Variants in TPRN observed in about 807,000 individuals in gnomAD.
TPRN encodes taperin.
A neutral mutation model predicts 42.6 loss-of-function variants in TPRN; 32 were observed. The ratio of observed to expected loss-of-function variants is 0.75; its 90% CI spans 0.57 to 1.01. The LOEUF is 1.01. Ranked by LOEUF, TPRN falls within the 50% of genes least tolerant of loss-of-function variation. The pLI is 0.00. For synonymous variants in TPRN, 541 were observed against 445.6 expected, an observed-to-expected ratio of 1.21 and a Z score of -2.70; for missense variants, 1,095 against 957.5, an observed-to-expected ratio of 1.14 and a Z score of -1.90.
chr9:137,200,552 C>A lies in TPRN; in HGVS notation c.160G>T (p.Gly54Cys), dbSNP rs1588777500. The A allele has an allele frequency of 1.7e-6, 2 of 1,162,254 alleles. No individual in the cohort carries two copies. The highest frequency in any genetic ancestry group is 4.7e-5 in the East Asian group (1 of 21,190). The allele number at this position is 1,162,254 out of a possible 1,614,324, so 72.0% of individuals were successfully genotyped here. Residue 54 changes from glycine to cysteine, a missense_variant, in exon 1 of 4, where the codon GGC (glycine) becomes TGC (cysteine). Physicochemically the swap from Gly to Cys is radical, Grantham distance 159. Coordinates refer to ENST00000409012, the MANE Select transcript of TPRN (RefSeq NM_001128228.3). The surrounding 1 kb of genome is among the most constrained non-coding windows in gnomAD (Gnocchi z 4.3). ...PEQRVLAESLGPLRENPFMLL... is the reference protein window; with the variant it reads ...PEQRVLAESLCPLRENPFMLL... ...ATGAACGGGTTCTCGCGCAGCGGGCCCAGGCTCTCGGCCAGCACCCGCTGC... is the reference window on the plus strand; with the variant it reads ...ATGAACGGGTTCTCGCGCAGCGGGCACAGGCTCTCGGCCAGCACCCGCTGC...
At position 137,192,293 on chromosome 9, in the gene TPRN, G is replaced by A. The variant is rs369251781; in HGVS notation, c.2039C>T (p.Pro680Leu). The change falls in exon 3 of 4, where the codon CCG becomes CTG. Residue 680 changes from proline (P) to leucine (L), a missense_variant. Coordinates refer to ENST00000409012, the MANE Select transcript of TPRN (RefSeq NM_001128228.3). ...CACGGGCGGGGGCTCTGCCTCCCTC[G>A]GGGCCTGCTCCAGCGCCTGCTCCTG... ...KWQEQALEQA[P>L]REAEPPPVEA... 49 of 1,612,828 alleles carry A rather than the reference G, an allele frequency of 3.0e-5. No individual in the cohort carries two copies. Among genetic ancestry groups the A allele is most frequent in the Admixed American group, 5.0e-5 (3 of 59,996 alleles).
Position 137,191,628 on chromosome 9 carries a change from G to C in TPRN, c.*484C>G. The C allele has an allele frequency of 6.8e-6, 2 of 296,010 alleles. No individual in the cohort carries two copies. Among genetic ancestry groups the C allele is most frequent in the South Asian group, 6.4e-5 (2 of 31,274 alleles). The allele number at this position is 296,010 out of a possible 1,614,324, so 18.3% of individuals were successfully genotyped here. A position where few individuals can be genotyped will look rare whatever the true frequency, so the allele number is the denominator to read the frequency against. On this transcript the variant is annotated 3_prime_UTR_variant, in exon 4 of 4. Coordinates refer to ENST00000409012, the MANE Select transcript of TPRN (RefSeq NM_001128228.3). ...GTGGGGACACCAGCAGCCTTGTCCA[G>C]TGCTGTTTATTGAGTCCATCATCAG...
chr9:137,199,771 T>A lies in TPRN; in HGVS notation c.941A>T (p.Asp314Val), dbSNP rs1220684734. 6.2e-7 allele frequency: 1 copy of A among 1,610,348 alleles called. No individual in the cohort carries two copies. Among genetic ancestry groups the A allele is most frequent in the South Asian group, 1.1e-5 (1 of 90,540 alleles). The change falls in exon 1 of 4, where the codon GAC (aspartate) becomes GTC (valine). Residue 314 changes from aspartate (D) to valine (V), a missense_variant. Coordinates refer to ENST00000409012, the MANE Select transcript of TPRN (RefSeq NM_001128228.3). The part of the protein sequence containing the change: ...KPVMETIPLG[D>V]LQARALASLR... Reference sequence around the variant, plus strand: ...GCTGGCCAGCGCCCGGGCCTGGAGGTCCCCCAAGGGGATGGTCTCCATAAC... The same window carrying A: ...GCTGGCCAGCGCCCGGGCCTGGAGGACCCCCAAGGGGATGGTCTCCATAAC...
chr9:137,200,543 G>A lies in TPRN; in HGVS notation c.169C>T (p.Arg57Cys). 3.4e-6 allele frequency: 4 copies of A among 1,167,540 alleles called. No homozygotes were observed. The highest frequency in any genetic ancestry group is 2.9e-5 in the South Asian group (1 of 34,392). The allele number at this position is 1,167,540 out of a possible 1,614,324, so 72.3% of individuals were successfully genotyped here. The change falls in exon 1 of 4, where the codon CGC becomes TGC. Residue 57 changes from arginine to cysteine, a missense_variant. By Grantham distance (180) the Arg-to-Cys change is radical. Transcript: ENST00000409012. The surrounding 1 kb of genome is among the most constrained non-coding windows in gnomAD (Gnocchi z 4.3). ...TCCAGCAGCATGAACGGGTTCTCGC[G>A]CAGCGGGCCCAGGCTCTCGGCCAGC... ...RVLAESLGPL[R>C]ENPFMLLEAE...
At chr9:137,195,449 A>G (rs1834691689) in intron 1 of TPRN, among the ~76,000 whole-genome samples, 1 of 152,234 alleles carries the variant, frequency 6.6e-6, no homozygotes, top group Non-Finnish European at 1.5e-5. Context: ...CTCAGCCAAC[A>G]ACAGTGAGAG....
In TPRN at chr9:137,192,161, CTG is replaced by C; in HGVS notation, c.2085_2086del (p.Gln697GlufsTer2). ...GCGGAAGTCCGAGAGGTCATTCTGA[CTG>C]GCGGGTGTGAGCTGAAAGTGAGAGG... is the stretch of plus-strand genomic sequence containing the variant. On this transcript the variant is annotated frameshift_variant, in exon 4 of 4. Coordinates refer to ENST00000409012, the MANE Select transcript of TPRN (RefSeq NM_001128228.3). LOFTEE classifies it high-confidence loss of function. The C allele has an allele frequency of 6.2e-7, 1 of 1,613,658 alleles. No homozygotes were observed. Among genetic ancestry groups the C allele is most frequent in the Non-Finnish European group, 8.5e-7 (1 of 1,180,020 alleles).
At position 137,200,576 on chromosome 9, in the gene TPRN, G is replaced by A. The variant is rs1045789240; in HGVS notation, c.136C>T (p.Gln46Ter). 2 of 1,149,404 alleles carry A rather than the reference G, an allele frequency of 1.7e-6. No homozygotes were observed. The highest frequency in any genetic ancestry group is 2.1e-6 in the Non-Finnish European group (2 of 939,054). 71.2% of individuals were successfully genotyped at this position (1,149,404 alleles called of 1,614,324 possible). A position where few individuals can be genotyped will look rare whatever the true frequency, so the allele number is the denominator to read the frequency against. ...CCCAGGCTCTCGGCCAGCACCCGCT[G>A]CTCGGGCTCCGCCGCCCCGGGCCCC... ...GAGPGAAEPEQRVLAESLGPL... is the reference protein window; with the variant it reads ...GAGPGAAEPE The change falls in exon 1 of 4, where the codon CAG becomes TAG. Residue 46 changes from glutamine to a stop codon, truncating the protein, a stop_gained. Coordinates refer to ENST00000409012, the MANE Select transcript of TPRN (RefSeq NM_001128228.3). LOFTEE classifies it high-confidence loss of function. This position sits in a 1 kb window ranked among gnomAD's most constrained non-coding sequence, Gnocchi z 4.3.
Position 137,199,311 on chromosome 9 carries a change from G to C in TPRN, c.1401C>G (p.Pro467=), listed in dbSNP as rs1257306113. The change falls in exon 1 of 4, where the codon CCC becomes CCG. Residue 467 remains proline (P), a synonymous_variant. Transcript: ENST00000409012. ...GGAGGTAGGGTAGTTTGGCTGCTTG[G>C]GGGGCCTCCTCCGAGTCTACCTCAT... ...FIDEVDSEEA[P]QAAKLPYLPH... 23 of 1,612,500 alleles carry C rather than the reference G, an allele frequency of 1.4e-5. No individual in the cohort carries two copies. The highest frequency in any genetic ancestry group is 2.2e-5 in the East Asian group (1 of 44,868).
chr9:137,197,781 C>T (rs1186475632), intron 1 of TPRN, among the ~76,000 whole-genome samples: 1 of 152,126 alleles, frequency 6.6e-6, no homozygotes, highest in Non-Finnish European at 1.5e-5. Flanking sequence ...GGGCGAGGGT[C>T]GGGGAGATAG....
intron 1 of TPRN, chr9:137,193,951 G>C (rs2131349841): frequency 6.6e-6 from 1 of 152,616 alleles, no homozygotes; most frequent in East Asian, 1.9e-4. Context: ...CACACAGCCA[G>C]GTGTACCCTC....
At chr9:137,198,318 C>T (rs1374311932) in intron 1 of TPRN, among the ~76,000 whole-genome samples, 1 of 152,230 alleles carries the variant, frequency 6.6e-6, no homozygotes, top group Non-Finnish European at 1.5e-5. Context: ...TTCCAGGCCA[C>T]TGGCCAAGAG....
In TPRN at chr9:137,198,204, G is replaced by A. The variant is rs544638456; in HGVS notation, c.1725+783C>T. ...GCTTCCTGACAGGTCACCGCAGACC[G>A]GGAAGTCACATGGAGCTGCCCTTGG... is the stretch of plus-strand genomic sequence containing the variant. On this transcript the variant is annotated intron_variant, in intron 1 of 3. Coordinates refer to ENST00000409012, the MANE Select transcript of TPRN (RefSeq NM_001128228.3). 1.1e-4 allele frequency among the ~76,000 whole-genome samples: 16 copies of A among 152,320 alleles called. 1 individual carries two copies. The highest frequency in any genetic ancestry group is 2.4e-4 in the African/African-American group (10 of 41,578).
chr9:137,198,994 C>T lies in TPRN; in HGVS notation c.1718G>A (p.Arg573Lys). Reference sequence around the variant, plus strand: ...CCTGCCCCCACCACTGACCTTCTTTCTTGAGGAGCCAGCCTTGGTGAGGCA... The same window carrying T: ...CCTGCCCCCACCACTGACCTTCTTTTTTGAGGAGCCAGCCTTGGTGAGGCA... ...KSCLTKAGSS[R>K]KKMKISFNDK... is the part of the protein sequence containing the mutation. The change falls in exon 1 of 4, where the codon AGA (arginine) becomes AAA (lysine). Residue 573 changes from arginine to lysine, a missense_variant. Transcript: ENST00000409012. The T allele has an allele frequency of 6.2e-7, 1 of 1,612,958 alleles. No individual in the cohort carries two copies. The highest frequency in any genetic ancestry group is 1.1e-5 in the South Asian group (1 of 91,082).
rs1393131625 is a variant in TPRN at position 137,200,211 on chromosome 9, G to C, written c.501C>G (p.Pro167=). The stretch of plus-strand genomic sequence containing the variant: ...GGCTGGGGGCCGCGGGCGGGGGCCG[G>C]GGCGGCGCGGGCGGCGGCGGCGGCG... The part of the protein sequence containing the change: ...PPPPPPPPAP[P]RPPPAAPSPP... Residue 167 remains proline (P), a synonymous_variant, in exon 1 of 4, where the codon CCC becomes CCG. Transcript: ENST00000409012. The surrounding 1 kb of genome is among the most constrained non-coding windows in gnomAD (Gnocchi z 4.3). 2.1e-6 allele frequency: 2 copies of C among 949,502 alleles called. No homozygotes were observed. Among genetic ancestry groups the C allele is most frequent in the African/African-American group, 1.8e-5 (1 of 55,568 alleles). 58.8% of individuals were successfully genotyped at this position (949,502 alleles called of 1,614,324 possible). A position where few individuals can be genotyped will look rare whatever the true frequency, so the allele number is the denominator to read the frequency against.
intron 1 of TPRN, among the ~76,000 whole-genome samples, chr9:137,195,618 G>A (rs571131043): frequency 7.9e-5 from 12 of 152,194 alleles, no homozygotes; most frequent in Admixed American, 2.0e-4. Context: ...GAGTGGAGGC[G>A]GAAGTTGCAC....
Position 137,192,568 on chromosome 9 carries a change from C to T in TPRN, c.1849G>A (p.Glu617Lys), listed in dbSNP as rs1190500447. The T allele has an allele frequency of 2.5e-6, 4 of 1,611,990 alleles. No homozygotes were observed. The highest frequency in any genetic ancestry group is 1.1e-5 in the South Asian group (1 of 90,920). Residue 617 changes from glutamate (E) to lysine (K), a missense_variant, in exon 2 of 4, where the codon GAA becomes AAA. Coordinates refer to ENST00000409012, the MANE Select transcript of TPRN (RefSeq NM_001128228.3). ...EEEEEEEEEE[E>K]EEEEGSGSEE... is the part of the protein sequence containing the mutation. ...GAGCCGGATCCCTCTTCCTCCTCTT[C>T]CTCTTCCTCCTCCTCCTCCTCCTCC...
In TPRN at chr9:137,199,870, G is replaced by A; in HGVS notation, c.842C>T (p.Pro281Leu). ...TPASPPASAT[P>L]SQRQCVSAAT... ...TGCGGAGACGCACTGGCGCTGGCTA[G>A]GAGTGGCACTGGCAGGGGGTGAGGC... Residue 281 changes from proline (P) to leucine (L), a missense_variant, in exon 1 of 4, where the codon CCT becomes CTT. Coordinates refer to ENST00000409012, the MANE Select transcript of TPRN (RefSeq NM_001128228.3). 2 of 1,549,344 alleles carry A rather than the reference G, an allele frequency of 1.3e-6. No homozygotes were observed. The highest frequency in any genetic ancestry group is 2.4e-5 in the South Asian group (2 of 84,442).
Position 137,200,064 on chromosome 9 carries a change from C to T in TPRN, c.648G>A (p.Ala216=), listed in dbSNP as rs1834779229. The change falls in exon 1 of 4, where the codon GCG becomes GCA. Residue 216 remains alanine, a synonymous_variant. Transcript: ENST00000409012. The surrounding 1 kb of genome is among the most constrained non-coding windows in gnomAD (Gnocchi z 4.3). The part of the protein sequence containing the change: ...TVHPRGLHRG[A]GARLLSNGHS... ...GCCCGTTGGAGAGCAGGCGGGCGCC[C>T]GCGCCGCGGTGCAGACCCCGGGGGT... 1 of 1,431,100 alleles carries T rather than the reference C, an allele frequency of 7.0e-7. No homozygotes were observed. Among genetic ancestry groups the T allele is most frequent in the Non-Finnish European group, 9.1e-7 (1 of 1,099,134 alleles). 88.7% of individuals were successfully genotyped at this position (1,431,100 alleles called of 1,614,324 possible).
At chr9:137,197,843 C>G (rs1330330781) in intron 1 of TPRN, among the ~76,000 whole-genome samples, 2 of 152,226 alleles carry the variant, frequency 1.3e-5, no homozygotes, top group Admixed American at 1.3e-4. Context: ...CCCAAGCCCC[C>G]ACTGGAAGCA....
Sources: allele counts gnomAD v4.1 joint callset (sites outside exome capture counted in the v4.1 genomes callset), GRCh38; gene constraint gnomAD v4.1.1; non-coding constraint Gnocchi (gnomAD v3.1); transcripts MANE v1.5; gene names NCBI Gene and HGNC (gene_info 2026-07-23, HGNC 2026-07-21).